Variants in PER3 observed in about 807,000 individuals in gnomAD.
The protein encoded by PER3 is period circadian protein homolog 3.
A neutral mutation model predicts 127.2 loss-of-function variants in PER3; 107 were observed. The ratio of observed to expected loss-of-function variants is 0.84; its 90% CI spans 0.72 to 0.99. The LOEUF is 0.99. Among genes scored for constraint, PER3 ranks in the 50% least tolerant of loss-of-function variants. The probability of loss-of-function intolerance (pLI) is 0.00; values close to 1 mark genes in which losing one functional copy is unlikely to be tolerated. For synonymous variants in PER3, 618 were observed against 585.8 expected (o/e 1.05, Z -0.79); for missense variants, 1,560 against 1,525.8 (o/e 1.02, Z -0.37).
chr1:7,788,876 C>T (rs902955506), intron 5 of PER3, among the ~76,000 whole-genome samples: 1 of 150,338 alleles, frequency 6.7e-6, no homozygotes, highest in African/African-American at 2.5e-5. Flanking sequence ...TGCACTCCAG[C>T]CTGGGCGACA....
chr1:7,805,198 C>G (rs1053486891), intron 10 of PER3, among the ~76,000 whole-genome samples: 1 of 152,156 alleles, frequency 6.6e-6, no homozygotes, highest in African/African-American at 2.4e-5. Flanking sequence ...AACTCTAGGC[C>G]TTTTGACCTG....
intron 9 of PER3, 117 bp downstream of exon 9, chr1:7,803,270 C>T: frequency 1.4e-6 from 1 of 726,240 alleles, no homozygotes; most frequent in Non-Finnish European, 2.5e-6. Flanking sequence ...ATTGAAGCTG[C>T]TAAAGCAATT....
rs184692930 is a variant in PER3 at position 7,809,461 on chromosome 1, G to A, written c.1243-432G>A. ...AGTGGTAAATAGAACTAATGGTGTC[G>A]TGTAGAGTAACTGTCCTCGGTGGTT... On this transcript the variant is annotated intron_variant, in intron 11 of 21. Transcript: ENST00000377532. 3.2e-4 allele frequency among the ~76,000 whole-genome samples: 49 copies of A among 152,230 alleles called. 1 individual carries two copies. Among genetic ancestry groups the A allele is most frequent in the Admixed American group, 5.9e-4 (9 of 15,290 alleles).
intron 7 of PER3, among the ~76,000 whole-genome samples, chr1:7,800,625 A>G (rs2097166567): frequency 6.6e-6 from 1 of 152,162 alleles, no homozygotes; most frequent in Non-Finnish European, 1.5e-5. Context: ...GCAGCTACTA[A>G]ATCTGATTAA....
intron 19 of PER3, among the ~76,000 whole-genome samples, chr1:7,831,605 G>A (rs2097331912): frequency 6.6e-6 from 1 of 152,150 alleles, no homozygotes; most frequent in African/African-American, 2.4e-5. Context: ...TTATCAGATT[G>A]AGGAAGTTCA....
Position 7,784,951 on chromosome 1 carries a change from A to G in PER3, c.74A>G (p.Glu25Gly). The G allele has an allele frequency of 6.5e-7, 1 of 1,544,324 alleles. No homozygotes were observed. The highest frequency in any genetic ancestry group is 1.2e-5 in the South Asian group (1 of 80,370). The change falls in exon 2 of 22, where the codon GAG becomes GGG. Residue 25 changes from glutamate (E) to glycine (G), a missense_variant. By Grantham distance (98) the Glu-to-Gly change is moderately conservative. Around this residue, in one of 3 missense-constraint regions of PER3, gnomAD observed 1,332 missense variants for 1,223.6 expected, o/e 1.09. Transcript: ENST00000377532. ...KDEALGEESG[E>G]RWSPEFHLQR... ...GAGGCCCTGGGCGAAGAATCGGGGG[A>G]GCGGTGGAGCCCCGAGTTCCATCTG...
intron 12 of PER3, 193 bp from the exon 13 acceptor site, chr1:7,810,245 T>C: frequency 1.6e-6 from 1 of 622,556 alleles, no homozygotes; most frequent in Non-Finnish European, 2.8e-6. Context: ...ATTAGCATAT[T>C]GTGAACAGAT....
At chr1:7,800,450 G>A (rs1430435623) in intron 7 of PER3, among the ~76,000 whole-genome samples, 2 of 151,420 alleles carry the variant, frequency 1.3e-5, no homozygotes, top group Admixed American at 6.6e-5. Flanking sequence ...TCAAGTGATC[G>A]GCCTCCCAAA....
At chr1:7,797,982 G>A (rs1037499270) in intron 6 of PER3, among the ~76,000 whole-genome samples, 3 of 152,086 alleles carry the variant, frequency 2.0e-5, no homozygotes, top group Admixed American at 6.6e-5. Flanking sequence ...TGCTGAACTC[G>A]GTTTTAGCCT....
intron 10 of PER3, among the ~76,000 whole-genome samples, chr1:7,805,818 T>G: frequency 6.6e-6 from 1 of 152,178 alleles, no homozygotes; most frequent in South Asian, 2.1e-4. Flanking sequence ...TCTGAAGCTC[T>G]CTTTTCAGTT....
chr1:7,834,147 T>G (rs1180372166), intron 19 of PER3, among the ~76,000 whole-genome samples: 1 of 152,224 alleles, frequency 6.6e-6, no homozygotes, highest in African/African-American at 2.4e-5. Context: ...CTCAAACTCC[T>G]GACCTCAGGC....
intron 18 of PER3, among the ~76,000 whole-genome samples, chr1:7,828,056 A>C (rs575351758): frequency 6.6e-5 from 10 of 152,218 alleles, no homozygotes; most frequent in Non-Finnish European, 1.3e-4. Flanking sequence ...GGTTTTTTCC[A>C]AAGTGCTATC....
rs1426842084 is a variant in PER3, at chr1:7,808,979, T to C, written c.1223T>C (p.Ile408Thr). 1.1e-5 allele frequency: 17 copies of C among 1,538,292 alleles called. No individual in the cohort carries two copies. The highest frequency in any genetic ancestry group is 5.1e-5 in the Admixed American group (3 of 59,398). ...GACATAACAGAATTACAAGAACAAA[T>C]TTACAAACTTCTCTTACAGGTAAGG... ...DKDITELQEQ[I>T]YKLLLQPVHV... The change falls in exon 11 of 22, where the codon ATT becomes ACT. Residue 408 changes from isoleucine to threonine, a missense_variant. Physicochemically the swap from Ile to Thr is moderately conservative, Grantham distance 89. Around this residue, in one of 3 missense-constraint regions of PER3, gnomAD observed 1,332 missense variants for 1,223.6 expected, o/e 1.09. Coordinates refer to ENST00000377532, the MANE Select transcript of PER3 (RefSeq NM_001377275.1).
At chr1:7,838,197 T>G (rs2097367332) in intron 21 of PER3, among the ~76,000 whole-genome samples, 1 of 152,208 alleles carries the variant, frequency 6.6e-6, no homozygotes, top group East Asian at 1.9e-4. Context: ...ACATTTTTAT[T>G]GTGGTATAAT....
At chr1:7,839,288 T>C (rs777540513) in intron 21 of PER3, among the ~76,000 whole-genome samples, 1 of 152,222 alleles carries the variant, frequency 6.6e-6, no homozygotes, top group Non-Finnish European at 1.5e-5. Flanking sequence ...TACGTTGTGT[T>C]TCCAAAAACA....
chr1:7,785,977 C>A (rs1250578904), intron 3 of PER3, among the ~76,000 whole-genome samples: 1 of 152,242 alleles, frequency 6.6e-6, no homozygotes, highest in East Asian at 1.9e-4. Flanking sequence ...AGTAATGAGG[C>A]TGGGCGCGGT....
chr1:7,791,313 T>A (rs1368951907), intron 5 of PER3, among the ~76,000 whole-genome samples: 1 of 152,228 alleles, frequency 6.6e-6, no homozygotes, highest in Non-Finnish European at 1.5e-5. Context: ...CAACACCATA[T>A]GGAAGCTGCC....
At chr1:7,807,704 T>C (rs2097201001) in intron 10 of PER3, among the ~76,000 whole-genome samples, 1 of 152,166 alleles carries the variant, frequency 6.6e-6, no homozygotes, top group Admixed American at 6.5e-5. Flanking sequence ...ATGCAGCTGA[T>C]TCAGTATGCC....
Position 7,788,136 on chromosome 1 carries a change from T to C in PER3, c.482T>C (p.Val161Ala), listed in dbSNP as rs750063430. Residue 161 changes from valine to alanine, a missense_variant, in exon 5 of 22, where the codon GTC becomes GCC. Val to Ala is a moderately conservative substitution (Grantham distance 64, BLOSUM62 0). Coordinates refer to ENST00000377532, the MANE Select transcript of PER3 (RefSeq NM_001377275.1). ...TTGATCCTGAATCGTAAGAAAGATG[T>C]CCTGGCGTCTTCTCACTTTGTTGAC... ...AALILNRKKD[V>A]LASSHFVDLL... 1 of 1,613,814 alleles carries C rather than the reference T, an allele frequency of 6.2e-7. No homozygotes were observed. Among genetic ancestry groups the C allele is most frequent in the East Asian group, 2.2e-5 (1 of 44,878 alleles).
Sources: allele counts gnomAD v4.1 joint callset (sites outside exome capture counted in the v4.1 genomes callset), GRCh38; gene constraint gnomAD v4.1.1; regional missense constraint gnomAD v4.1.1; transcripts MANE v1.5; gene names NCBI Gene and HGNC (gene_info 2026-07-23, HGNC 2026-07-21).